The following TPRG1 variants were observed in gnomAD, a reference collection of about 807,000 sequenced individuals.
TPRG1 encodes the protein tumor protein p63-regulated gene 1 protein.
Under a neutral mutation model 29.3 loss-of-function variants are expected in TPRG1, and 29 were observed. The observed-to-expected ratio is 0.99, with a 90% CI of 0.74 to 1.35. The LOEUF (loss-of-function observed/expected upper bound fraction) is 1.35, where lower values mean the gene tolerates loss of function less well. Ranked by LOEUF, TPRG1 falls within the 40% of genes most tolerant of loss-of-function variation. The pLI is 0.00. For synonymous variants in TPRG1, 130 were observed against 116.8 expected (o/e 1.11, Z -0.73); for missense variants, 327 against 335.0 (o/e 0.98, Z 0.19).
chr3:189,270,783 T>C (rs1220370919), intron 4 of TPRG1, among the ~76,000 whole-genome samples: 1 of 152,066 alleles, frequency 6.6e-6, no homozygotes, highest in East Asian at 1.9e-4. Context: ...CAGAGAAAGA[T>C]TAACAAACAT....
At chr3:189,308,899 G>A (rs549076185) in intron 4 of TPRG1, among the ~76,000 whole-genome samples, 5 of 151,810 alleles carry the variant, frequency 3.3e-5, no homozygotes. Context: ...TTATTGTCAG[G>A]CCAGAAAAAA....
At chr3:189,130,641 G>T (rs965251069) in intron 2 of TPRG1, among the ~76,000 whole-genome samples, 2 of 152,158 alleles carry the variant, frequency 1.3e-5, no homozygotes, top group East Asian at 3.8e-4. Context: ...TTCTGTGAGT[G>T]TGAGGGCTCT....
intron 3 of TPRG1, among the ~76,000 whole-genome samples, chr3:189,225,461 A>G (rs1216068419): frequency 6.6e-6 from 1 of 152,246 alleles, no homozygotes; most frequent in African/African-American, 2.4e-5. Context: ...TTAGAAATGC[A>G]TTAGGCTCTG....
At chr3:189,313,308 A>C (rs1319951841) in intron 5 of TPRG1, 1 of 152,236 alleles carries the variant, frequency 6.6e-6, no homozygotes, top group Non-Finnish European at 1.5e-5. Flanking sequence ...AATGTAAAAG[A>C]ATAAATAAGA....
At chr3:189,114,801 G>T (rs962345012) in intron 1 of TPRG1, among the ~76,000 whole-genome samples, 3 of 152,132 alleles carry the variant, frequency 2.0e-5, no homozygotes, top group Non-Finnish European at 2.9e-5. Flanking sequence ...AAATGCTATA[G>T]AAATTAGTGG....
Position 189,223,681 on chromosome 3 carries a change from G to C in TPRG1, c.302+8298G>C, listed in dbSNP as rs76517175. Among the ~76,000 whole-genome samples, 388 of 152,286 alleles carry C rather than the reference G, an allele frequency of 2.5e-3. 2 individuals are homozygous for C. Among genetic ancestry groups the C allele is most frequent in the African/African-American group, 9.2e-3 (381 of 41,562 alleles). ...TGCAGCGAAATGCCTAGCTACATCA[G>C]TTACAAGCTATCTGGCCATGGTTGT... On this transcript the variant is annotated intron_variant, in intron 3 of 5. Transcript: ENST00000345063.
At chr3:189,204,675 C>T (rs761572003) in intron 1 of TPRG1, among the ~76,000 whole-genome samples, 2 of 152,178 alleles carry the variant, frequency 1.3e-5, no homozygotes, top group Non-Finnish European at 2.9e-5. Flanking sequence ...CCTCTGTTTT[C>T]CAGGCACAGG....
intron 2 of TPRG1, among the ~76,000 whole-genome samples, chr3:189,210,401 G>C (rs1384561310): frequency 2.0e-5 from 3 of 152,158 alleles, no homozygotes; most frequent in Non-Finnish European, 2.9e-5. Context: ...TTCAGGGTAA[G>C]ATATAAATGT....
upstream of TPRG1, among the ~76,000 whole-genome samples, chr3:189,167,658 A>G (rs73184427): frequency 0.091 from 13,901 of 152,264 alleles, 728 homozygotes; most frequent in East Asian, 0.19. Flanking sequence ...TTGCATGCCC[A>G]TGAAGCCATT....
At chr3:189,105,884 C>G (rs1189216280) in intron 1 of TPRG1, among the ~76,000 whole-genome samples, 1 of 151,992 alleles carries the variant, frequency 6.6e-6, no homozygotes, top group Non-Finnish European at 1.5e-5. Context: ...CCTAGTGTGT[C>G]CACTGGGGCA....
chr3:189,040,965 C>T (rs763505622), intron 4 of TPRG1, among the ~76,000 whole-genome samples: 17 of 152,148 alleles, frequency 1.1e-4, no homozygotes, highest in Admixed American at 2.0e-4. Flanking sequence ...CAGCCCTGGT[C>T]GCCCCTCCAC....
intron 3 of TPRG1, among the ~76,000 whole-genome samples, chr3:189,014,374 C>T (rs1328422146): frequency 6.6e-6 from 1 of 152,132 alleles, no homozygotes; most frequent in East Asian, 1.9e-4. Flanking sequence ...CACTGAAAGG[C>T]CTACTGTTAG....
At chr3:189,178,389 C>T (rs1729773260) in intron 1 of TPRG1, among the ~76,000 whole-genome samples, 1 of 152,262 alleles carries the variant, frequency 6.6e-6, no homozygotes, top group East Asian at 1.9e-4. Context: ...ATTAGCTAGG[C>T]ATGGTGATGC....
chr3:189,172,302 G>C (rs1406078402), intron 1 of TPRG1, among the ~76,000 whole-genome samples, 171 bp downstream of exon 1: 1 of 151,982 alleles, frequency 6.6e-6, no homozygotes, highest in East Asian at 1.9e-4. Context: ...CTTCCTTACT[G>C]TCCAGGGTTG....
intron 4 of TPRG1, among the ~76,000 whole-genome samples, chr3:189,059,842 C>T (rs937907983): frequency 2.0e-5 from 3 of 152,164 alleles, no homozygotes; most frequent in Admixed American, 6.5e-5. Context: ...ACATACAAAT[C>T]AATAAATGTG....
chr3:189,304,697 A>G (rs1403139521), intron 4 of TPRG1, among the ~76,000 whole-genome samples: 1 of 152,186 alleles, frequency 6.6e-6, no homozygotes, highest in Non-Finnish European at 1.5e-5. Context: ...GCAAAGGAGC[A>G]TTGAATACCC....
At chr3:189,264,949 G>T (rs1713794794) in intron 4 of TPRG1, among the ~76,000 whole-genome samples, 1 of 152,190 alleles carries the variant, frequency 6.6e-6, no homozygotes, top group African/African-American at 2.4e-5. Flanking sequence ...TGTAAACAGT[G>T]CTAGATCACC....
At chr3:189,219,852 T>TGA in intron 3 of TPRG1, 1 of 780,890 alleles carries the variant, frequency 1.3e-6, no homozygotes, top group Non-Finnish European at 1.6e-6. Context: ...TTATAAAAGA[T>TGA]ACTTAAAATA....
At chr3:189,296,971 C>CGCT (rs113304697) in intron 4 of TPRG1, among the ~76,000 whole-genome samples, 1 of 151,376 alleles carries the variant, frequency 6.6e-6, no homozygotes, top group Non-Finnish European at 1.5e-5. Context: ...CTGATAAACC[C>CGCT]TCTTCTTCTT....
Sources: allele counts gnomAD v4.1 joint callset (sites outside exome capture counted in the v4.1 genomes callset), GRCh38; gene constraint gnomAD v4.1.1; transcripts MANE v1.5; gene names NCBI Gene and HGNC (gene_info 2026-07-23, HGNC 2026-07-21).